The following TULP3 variants were observed in gnomAD, a reference collection of about 807,000 sequenced individuals.
TULP3 encodes tubby-related protein 3.
In TULP3, 38 loss-of-function variants were observed where a neutral mutation model predicts 50.7. That is an observed-to-expected ratio of 0.75 (90% CI 0.58 to 0.98). The LOEUF is 0.98. Among genes scored for constraint, TULP3 ranks in the 50% least tolerant of loss-of-function variants. TULP3 has a pLI of 0.00. For synonymous variants in TULP3, 183 were observed against 196.6 expected (o/e 0.93, Z 0.58); for missense variants, 550 against 568.0 (o/e 0.97, Z 0.32).
intron 2 of TULP3, among the ~76,000 whole-genome samples, chr12:2,920,553 T>C (rs2098191064): frequency 6.6e-6 from 1 of 152,126 alleles, no homozygotes; most frequent in South Asian, 2.1e-4. Context: ...AATAGATCTT[T>C]ATAGGTGTTA....
rs1416449857 is a variant in TULP3 at position 2,920,864 on chromosome 12, T to C, written c.195T>C (p.Ser65=). ...ARLRRAKPRA[S]DEQTPLVNCH... is the part of the protein sequence containing the mutation. ...TACGTCGGGCAAAGCCAAGGGCCAG[T>C]GATGAGCAGACTCCCTTGGTGAACT... Residue 65 remains serine, a synonymous_variant, in exon 3 of 11, where the codon AGT becomes AGC. Transcript: ENST00000448120. The C allele has an allele frequency of 1.2e-6, 2 of 1,614,012 alleles. No individual in the cohort carries two copies. Among genetic ancestry groups the C allele is most frequent in the Admixed American group, 3.3e-5 (2 of 59,988 alleles).
intron 3 of TULP3, 74 bp downstream of exon 3, chr12:2,920,996 A>G: frequency 2.5e-6 from 4 of 1,572,696 alleles, no homozygotes; most frequent in Non-Finnish European, 3.5e-6. Context: ...GGATTGTCAG[A>G]CGGACCAAAG....
intron 4 of TULP3, among the ~76,000 whole-genome samples, chr12:2,923,648 CAAAAAAAAAAA>C (rs561072422): frequency 1.4e-5 from 1 of 71,824 alleles, no homozygotes; most frequent in Non-Finnish European, 3.0e-5. Context: ...TGAAACTTCT[CAAAAAAAAAAA>C]AAAAGAAAAG....
At chr12:2,931,942 G>C (rs1012978995) in intron 6 of TULP3, among the ~76,000 whole-genome samples, 2 of 152,264 alleles carry the variant, frequency 1.3e-5, no homozygotes, top group Middle Eastern at 6.8e-3. Context: ...CTGGGGCTTA[G>C]GGAGTGACTT....
intron 2 of TULP3, among the ~76,000 whole-genome samples, chr12:2,912,969 CT>C (rs1555112974): frequency 2.7e-3 from 288 of 105,946 alleles, no homozygotes; most frequent in African/African-American, 7.6e-3. Flanking sequence ...TTAACACGTT[CT>C]TTTTTTTTTT....
intron 2 of TULP3, among the ~76,000 whole-genome samples, chr12:2,912,608 C>T (rs112007935): frequency 6.6e-6 from 1 of 152,124 alleles, no homozygotes; most frequent in African/African-American, 2.4e-5. Context: ...TAAAAGCAAC[C>T]AAAGTTAATC....
At chr12:2,909,717 C>A in intron 2 of TULP3, 137 bp downstream of exon 2, 2 of 914,892 alleles carry the variant, frequency 2.2e-6, no homozygotes, top group Non-Finnish European at 3.4e-6. Flanking sequence ...ACCTGTGAAG[C>A]AGTGTCTGGA....
At chr12:2,935,666 C>T (rs1429979314) in intron 8 of TULP3, among the ~76,000 whole-genome samples, 1 of 152,080 alleles carries the variant, frequency 6.6e-6, no homozygotes, top group Admixed American at 6.5e-5. Context: ...TCCTCTATAG[C>T]TTTCATATAT....
chr12:2,892,550 T>G (rs10744574), intron 1 of TULP3, among the ~76,000 whole-genome samples: 72,221 of 151,690 alleles, frequency 0.48, 17,650 homozygotes, highest in African/African-American at 0.59. Flanking sequence ...TCTCTCTCTG[T>G]CGCCAGGCGG....
chr12:2,925,956 C>A (rs1409247040), intron 4 of TULP3, among the ~76,000 whole-genome samples: 2 of 152,134 alleles, frequency 1.3e-5, no homozygotes, highest in East Asian at 3.9e-4. Flanking sequence ...CAACAGGTTG[C>A]ATCTTGACTA....
intron 3 of TULP3, among the ~76,000 whole-genome samples, chr12:2,921,975 C>CG (rs567041070): frequency 2.6e-5 from 4 of 151,908 alleles, no homozygotes; most frequent in Non-Finnish European, 5.9e-5. Flanking sequence ...CCCAGCTACT[C>CG]GGGGGACTGA....
At chr12:2,891,362 C>G (rs961779284) in intron 1 of TULP3, among the ~76,000 whole-genome samples, 4 of 152,124 alleles carry the variant, frequency 2.6e-5, no homozygotes, top group African/African-American at 9.7e-5. Flanking sequence ...GAGAGGGGAC[C>G]CAGCCCCTCC....
intron 1 of TULP3, among the ~76,000 whole-genome samples, chr12:2,908,487 C>G (rs547934760): frequency 1.3e-5 from 2 of 152,224 alleles, no homozygotes; most frequent in East Asian, 3.9e-4. Context: ...GGCTGGAGTG[C>G]AATCGTGTGA....
At chr12:2,914,324 A>G (rs1468284514) in intron 2 of TULP3, among the ~76,000 whole-genome samples, 2 of 151,746 alleles carry the variant, frequency 1.3e-5, no homozygotes, top group African/African-American at 4.8e-5. Context: ...GGGTTTCTCC[A>G]TGTTGGTTAG....
chr12:2,939,968 A>G lies in TULP3; in HGVS notation c.*524A>G, dbSNP rs1248698444. 7.8e-7 allele frequency: 1 copy of G among 1,275,688 alleles called. No individual in the cohort carries two copies. The highest frequency in any genetic ancestry group is 1.0e-6 in the Non-Finnish European group (1 of 977,518). 79.0% of individuals were successfully genotyped at this position (1,275,688 alleles called of 1,614,324 possible). A position where few individuals can be genotyped will look rare whatever the true frequency, so the allele number is the denominator to read the frequency against. On this transcript the variant is annotated 3_prime_UTR_variant, in exon 11 of 11. Coordinates refer to ENST00000448120, the MANE Select transcript of TULP3 (RefSeq NM_003324.5). This position sits in a 1 kb window ranked among gnomAD's most constrained non-coding sequence, Gnocchi z 4.0. The stretch of plus-strand genomic sequence containing the variant: ...GGATTTCATGTGCTTGGAAACTTGC[A>G]GTAGAATCAGGGACTGACATCGCAG...
chr12:2,938,840 T>C (rs2098203059), intron 10 of TULP3, among the ~76,000 whole-genome samples: 1 of 152,096 alleles, frequency 6.6e-6, no homozygotes, highest in African/African-American at 2.4e-5. Flanking sequence ...CAAAGGCAAA[T>C]GACCCCAATA....
At chr12:2,937,453 G>A (rs375146283) in intron 8 of TULP3, among the ~76,000 whole-genome samples, 178 bp from the exon 9 acceptor site, 1 of 151,864 alleles carries the variant, frequency 6.6e-6, no homozygotes, top group South Asian at 2.1e-4. Flanking sequence ...CTGACCTCAG[G>A]TTATCTGCCC....
chr12:2,940,235 A>C lies in TULP3; in HGVS notation c.*791A>C. 1 of 1,357,834 alleles carries C rather than the reference A, an allele frequency of 7.4e-7. No homozygotes were observed. The highest frequency in any genetic ancestry group is 9.7e-7 in the Non-Finnish European group (1 of 1,034,650). The allele number at this position is 1,357,834 out of a possible 1,614,324, so 84.1% of individuals were successfully genotyped here. A position where few individuals can be genotyped will look rare whatever the true frequency, so the allele number is the denominator to read the frequency against. ...CTATATGACTACGGATCCATTAGTGAGGAGCGACACACACACCTGTAGGCA... is the reference window on the plus strand; with the variant it reads ...CTATATGACTACGGATCCATTAGTGCGGAGCGACACACACACCTGTAGGCA... On this transcript the variant is annotated 3_prime_UTR_variant, in exon 11 of 11. Transcript: ENST00000448120.
intron 4 of TULP3, among the ~76,000 whole-genome samples, chr12:2,922,932 C>G (rs1229449042): frequency 6.6e-6 from 1 of 150,556 alleles, no homozygotes; most frequent in Non-Finnish European, 1.5e-5. Flanking sequence ...CGGCTCACTG[C>G]AAGCTCCGCC....
Sources: gnomAD v4.1 joint callset for allele counts (sites outside exome capture counted in the v4.1 genomes callset) on GRCh38, gnomAD v4.1.1 for gene constraint, Gnocchi (gnomAD v3.1) non-coding constraint, MANE v1.5 for transcripts, NCBI Gene and HGNC (gene_info 2026-07-23, HGNC 2026-07-21) for gene names.